IARS1: variants seen among roughly 807,000 people sequenced by gnomAD.
IARS1 encodes the protein isoleucyl-tRNA synthetase 1, also known as isoleucine--tRNA ligase, cytoplasmic.
In IARS1, 124 loss-of-function variants were observed where a neutral mutation model predicts 168.2. The observed-to-expected ratio is 0.74, with a 90% CI of 0.64 to 0.86. IARS1 has a LOEUF of 0.86. IARS1 is among the 40% of genes least tolerant of loss of function. The probability of loss-of-function intolerance (pLI) is 0.00; values close to 1 mark genes in which losing one functional copy is unlikely to be tolerated. For synonymous variants in IARS1, 532 were observed against 529.4 expected, an observed-to-expected ratio of 1.00 and a Z score of -0.07; for missense variants, 1,452 against 1,515.8, an observed-to-expected ratio of 0.96 and a Z score of 0.70.
At chr9:92,275,382 A>G (rs1422233493) in intron 9 of IARS1, among the ~76,000 whole-genome samples, 2 of 152,244 alleles carry the variant, frequency 1.3e-5, no homozygotes, top group Non-Finnish European at 2.9e-5. Context: ...GACATGGAAC[A>G]GGTCTTCTGG....
At chr9:92,277,238 A>C (rs1408693825) in intron 9 of IARS1, among the ~76,000 whole-genome samples, 2 of 152,090 alleles carry the variant, frequency 1.3e-5, no homozygotes, top group East Asian at 1.9e-4. Flanking sequence ...GGAGTTCAAA[A>C]CCAGCCTGGC....
chr9:92,292,029 T>G (rs1393781657), intron 1 of IARS1, among the ~76,000 whole-genome samples: 1 of 151,390 alleles, frequency 6.6e-6, no homozygotes, highest in Non-Finnish European at 1.5e-5. Flanking sequence ...TTTTTTTTTT[T>G]TTTTTGAGAC....
intron 1 of IARS1, among the ~76,000 whole-genome samples, chr9:92,292,180 G>A (rs1005701983): frequency 4.0e-4 from 39 of 98,646 alleles, no homozygotes; most frequent in Non-Finnish European, 6.4e-4. Flanking sequence ...ACCACACTCA[G>A]CTTTTTTTTT....
chr9:92,213,553 C>T (rs1276788923), intron 33 of IARS1, among the ~76,000 whole-genome samples: 1 of 152,162 alleles, frequency 6.6e-6, no homozygotes, highest in Non-Finnish European at 1.5e-5. Flanking sequence ...ATGCCTGGCG[C>T]CACCATAAGC....
At chr9:92,278,045 T>C (rs368054088) in intron 8 of IARS1, 122 bp from the exon 9 acceptor site, 69 of 1,073,402 alleles carry the variant, frequency 6.4e-5, no homozygotes, top group Non-Finnish European at 8.7e-5. Context: ...CATGCTGTAA[T>C]GTGTGACTGC....
chr9:92,258,369 G>A (rs190094964), intron 19 of IARS1, among the ~76,000 whole-genome samples: 5 of 152,276 alleles, frequency 3.3e-5, no homozygotes, highest in Admixed American at 2.0e-4. Context: ...CAAGAAGGGC[G>A]GATCACCTGA....
At chr9:92,286,795 C>T (rs533626480) in intron 4 of IARS1, among the ~76,000 whole-genome samples, 177 bp from the exon 5 acceptor site, 6 of 152,138 alleles carry the variant, frequency 3.9e-5, no homozygotes, top group Non-Finnish European at 8.8e-5. Flanking sequence ...CCAGTTTTCT[C>T]GGCATTCATC....
At chr9:92,227,640 G>A (rs1305950402) in intron 31 of IARS1, among the ~76,000 whole-genome samples, 46 of 150,224 alleles carry the variant, frequency 3.1e-4, no homozygotes, top group Non-Finnish European at 6.3e-4. Context: ...CCAGGCAGAG[G>A]GTCTCCTCAC....
In IARS1 at chr9:92,251,824, G is replaced by T; in HGVS notation, c.2291C>A (p.Ser764Tyr). Reference protein sequence around the residue: ...ALETLFSVLLSLCRLMAPYTP... With the variant: ...ALETLFSVLLYLCRLMAPYTP... ...TCATCTTACCATAAGTCTGCAAAGA[G>T]AAAGCAGAACACTAAACAAGGTTTC... is the stretch of plus-strand genomic sequence containing the variant. Residue 764 changes from serine to tyrosine, a missense_variant, in exon 22 of 34, where the codon TCT becomes TAT. Ser to Tyr is a moderately radical substitution (Grantham distance 144). Transcript: ENST00000443024. The T allele has an allele frequency of 6.2e-7, 1 of 1,613,652 alleles. No homozygotes were observed. Among genetic ancestry groups the T allele is most frequent in the Non-Finnish European group, 8.5e-7 (1 of 1,179,588 alleles).
At chr9:92,227,635 C>T (rs1411953339) in intron 31 of IARS1, among the ~76,000 whole-genome samples, 1 of 150,080 alleles carries the variant, frequency 6.7e-6, no homozygotes, top group Non-Finnish European at 1.5e-5. Context: ...GGTTGCCAGG[C>T]AGAGGGTCTC....
At chr9:92,265,180 T>A in intron 15 of IARS1, 57 bp from the exon 16 acceptor site, 1 of 1,433,024 alleles carries the variant, frequency 7.0e-7, no homozygotes, top group Non-Finnish European at 9.5e-7. Context: ...GAACTTGCAG[T>A]TTAATTGCTA....
chr9:92,292,974 C>T (rs981714063), intron 1 of IARS1, among the ~76,000 whole-genome samples: 8 of 152,204 alleles, frequency 5.3e-5, no homozygotes, highest in Non-Finnish European at 7.3e-5. Context: ...AGAAGATACA[C>T]ACAACCAATT....
chr9:92,262,082 A>AAC (rs1278511780), intron 17 of IARS1, among the ~76,000 whole-genome samples: 1 of 151,748 alleles, frequency 6.6e-6, no homozygotes, highest in Non-Finnish European at 1.5e-5. Context: ...AAAAAAAAAA[A>AAC]AGTAGTACAC....
intron 30 of IARS1, among the ~76,000 whole-genome samples, chr9:92,238,405 C>T (rs996465448): frequency 6.6e-6 from 1 of 152,128 alleles, no homozygotes; most frequent in Non-Finnish European, 1.5e-5. Flanking sequence ...TCACTCTGTT[C>T]GTTCATGCGA....
intron 6 of IARS1, among the ~76,000 whole-genome samples, chr9:92,282,860 ATTT>A (rs35959111): frequency 3.0e-5 from 4 of 132,856 alleles, no homozygotes; most frequent in Non-Finnish European, 4.8e-5. Context: ...ATATATATAT[ATTT>A]TTTTTTTTTG....
intron 33 of IARS1, among the ~76,000 whole-genome samples, chr9:92,217,814 G>C (rs1305906687): frequency 6.6e-6 from 1 of 152,058 alleles, no homozygotes; most frequent in Non-Finnish European, 1.5e-5. Flanking sequence ...TCCAGGACCA[G>C]ATGGATTCAC....
intron 25 of IARS1, among the ~76,000 whole-genome samples, chr9:92,248,954 T>C (rs980224621): frequency 2.0e-5 from 3 of 152,148 alleles, no homozygotes; most frequent in African/African-American, 7.2e-5. Flanking sequence ...GGAATAAAAA[T>C]GTTTAGGAAG....
chr9:92,246,724 A>G (rs1301370058), intron 26 of IARS1, among the ~76,000 whole-genome samples: 1 of 152,068 alleles, frequency 6.6e-6, no homozygotes, highest in East Asian at 1.9e-4. Context: ...GTGTGGTAGT[A>G]TGTGCCTGTA....
intron 29 of IARS1, 94 bp from the exon 30 acceptor site, chr9:92,241,055 A>G: frequency 2.8e-6 from 2 of 719,622 alleles, no homozygotes; most frequent in Admixed American, 2.1e-5. Flanking sequence ...AGTAACAACA[A>G]GAGCTGTACA....
Sources: gnomAD v4.1 joint callset for allele counts (sites outside exome capture counted in the v4.1 genomes callset) on GRCh38, gnomAD v4.1.1 for gene constraint, MANE v1.5 for transcripts, NCBI Gene and HGNC (gene_info 2026-07-23, HGNC 2026-07-21) for gene names.